TM4SF5: variants seen among roughly 807,000 people sequenced by gnomAD.
TM4SF5 encodes the protein transmembrane 4 L6 family member 5.
In TM4SF5, 16 loss-of-function variants were observed where a neutral mutation model predicts 22.3. The ratio of observed to expected loss-of-function variants is 0.72; its 90% CI spans 0.49 to 1.09. TM4SF5 has a LOEUF of 1.09. Among genes scored for constraint, TM4SF5 ranks in the 50% least tolerant of loss-of-function variants. The pLI, the probability that TM4SF5 is intolerant of heterozygous loss-of-function variation, is 0.00. For synonymous variants in TM4SF5, 113 were observed against 109.6 expected, an observed-to-expected ratio of 1.03 and a Z score of -0.19; for missense variants, 249 against 266.1, an observed-to-expected ratio of 0.94 and a Z score of 0.45.
Position 4,771,984 on chromosome 17 carries a change from G to A in TM4SF5, c.62G>A (p.Cys21Tyr), listed in dbSNP as rs1331769817. The change falls in exon 1 of 5, where the codon TGC becomes TAC. Residue 21 changes from cysteine (C) to tyrosine (Y), a missense_variant. Physicochemically the swap from Cys to Tyr is radical, Grantham distance 194. Coordinates refer to ENST00000270560, the MANE Select transcript of TM4SF5 (RefSeq NM_003963.3). ...TCCCTCATTACCCTCTGCCTCGTCTGCATTGTGGCCAACGCCCTCCTGCTG... is the reference window on the plus strand; with the variant it reads ...TCCCTCATTACCCTCTGCCTCGTCTACATTGTGGCCAACGCCCTCCTGCTG... Reference protein sequence around the residue: ...GLSLITLCLVCIVANALLLVP... With the variant: ...GLSLITLCLVYIVANALLLVP... 3 of 1,614,076 alleles carry A rather than the reference G, an allele frequency of 1.9e-6. No homozygotes were observed. The African/African-American group carries it at 4.0e-5, about 22-fold the overall frequency.
chr17:4,776,523 A>G (rs1917209036), intron 1 of TM4SF5, among the ~76,000 whole-genome samples: 1 of 151,672 alleles, frequency 6.6e-6, no homozygotes, highest in African/African-American at 2.4e-5. Context: ...GCTGGTTTTG[A>G]ACTCCCAACC....
chr17:4,778,119 T>C (rs1330637343), intron 1 of TM4SF5, among the ~76,000 whole-genome samples: 1 of 152,144 alleles, frequency 6.6e-6, no homozygotes, highest in East Asian at 1.9e-4. Flanking sequence ...TAGGTGTGTT[T>C]GGATCCACAA....
chr17:4,773,148 G>GC (rs998535074), intron 1 of TM4SF5, among the ~76,000 whole-genome samples: 5 of 152,010 alleles, frequency 3.3e-5, no homozygotes, highest in East Asian at 3.9e-4. Flanking sequence ...CAGGTGATCC[G>GC]CCCCCCTCGG....
chr17:4,772,776 T>C (rs1917138247), intron 1 of TM4SF5, among the ~76,000 whole-genome samples: 1 of 150,204 alleles, frequency 6.7e-6, no homozygotes, highest in African/African-American at 2.5e-5. Context: ...AGTGTGGTGG[T>C]GCGAACATGG....
chr17:4,775,664 C>G (rs765833093), intron 1 of TM4SF5, among the ~76,000 whole-genome samples: 4 of 152,070 alleles, frequency 2.6e-5, no homozygotes, highest in Non-Finnish European at 2.9e-5. Context: ...GCTCAACAAA[C>G]TTTTACAAAG....
At position 4,772,020 on chromosome 17, in the gene TM4SF5, G is replaced by C. The variant is rs778261740; in HGVS notation, c.98G>C (p.Gly33Ala). Reference protein sequence around the residue: ...VANALLLVPNGETSWTNTNHL... With the variant: ...VANALLLVPNAETSWTNTNHL... The stretch of plus-strand genomic sequence containing the variant: ...AACGCCCTCCTGCTGGTACCTAATG[G>C]GGAGACCTCCTGGACCAACACCAAC... Residue 33 changes from glycine (G) to alanine (A), a missense_variant, in exon 1 of 5, where the codon GGG becomes GCG. By Grantham distance (60) the Gly-to-Ala change is moderately conservative (BLOSUM62 0). Transcript: ENST00000270560. 2 of 1,614,166 alleles carry C rather than the reference G, an allele frequency of 1.2e-6. No individual in the cohort carries two copies. Among genetic ancestry groups the C allele is most frequent in the Non-Finnish European group, 1.7e-6 (2 of 1,180,026 alleles).
intron 1 of TM4SF5, among the ~76,000 whole-genome samples, chr17:4,774,133 A>G (rs1467827333): frequency 6.6e-6 from 1 of 152,152 alleles, no homozygotes; most frequent in Admixed American, 6.5e-5. Flanking sequence ...AGGCAGGAGA[A>G]CCCGGGAGGC....
chr17:4,772,803 C>G (rs367576937), intron 1 of TM4SF5, among the ~76,000 whole-genome samples: 1 of 151,094 alleles, frequency 6.6e-6, no homozygotes, highest in Non-Finnish European at 1.5e-5. Context: ...GTAGCCCCAA[C>G]CTCCTGGGCC....
At chr17:4,780,552 A>C (rs1917282980) in intron 1 of TM4SF5, among the ~76,000 whole-genome samples, 1 of 152,174 alleles carries the variant, frequency 6.6e-6, no homozygotes, top group Non-Finnish European at 1.5e-5. Context: ...TGGGGAAAAT[A>C]ATGATATTGG....
intron 2 of TM4SF5, among the ~76,000 whole-genome samples, chr17:4,781,764 C>A (rs1428706279): frequency 6.6e-6 from 1 of 152,036 alleles, no homozygotes; most frequent in Admixed American, 6.6e-5. Flanking sequence ...ATCTGCCCCC[C>A]TTGGCCTCCC....
At chr17:4,782,784 A>T (rs1279106376) in intron 3 of TM4SF5, 70 bp from the exon 4 acceptor site, 14 of 1,575,130 alleles carry the variant, frequency 8.9e-6, no homozygotes, top group Admixed American at 3.5e-5. Flanking sequence ...ATCCCCTGGG[A>T]CGTATTCTTG....
intron 1 of TM4SF5, among the ~76,000 whole-genome samples, chr17:4,780,383 T>C (rs1917280256): frequency 6.6e-6 from 1 of 152,130 alleles, no homozygotes; most frequent in Non-Finnish European, 1.5e-5. Context: ...CCTAGTCAGC[T>C]TGTTCTCCCA....
At chr17:4,772,220 C>T (rs764836528) in intron 1 of TM4SF5, 121 bp downstream of exon 1, 9 of 1,254,114 alleles carry the variant, frequency 7.2e-6, no homozygotes, top group Middle Eastern at 5.2e-4. Flanking sequence ...GCAATGGCTT[C>T]GTGGGGGCTA....
At chr17:4,775,216 A>G (rs1412255491) in intron 1 of TM4SF5, among the ~76,000 whole-genome samples, 1 of 151,928 alleles carries the variant, frequency 6.6e-6, no homozygotes, top group Non-Finnish European at 1.5e-5. Context: ...CAGTGGAGTC[A>G]TTTGAATTTT....
At chr17:4,780,380 A>G (rs575608908) in intron 1 of TM4SF5, among the ~76,000 whole-genome samples, 67 of 152,202 alleles carry the variant, frequency 4.4e-4, no homozygotes, top group African/African-American at 1.5e-3. Context: ...ACACCTAGTC[A>G]GCTTGTTCTC....
Position 4,782,859 on chromosome 17 carries a change from C to T in TM4SF5, c.401C>T (p.Ala134Val), listed in dbSNP as rs777769766. 21 of 1,611,420 alleles carry T rather than the reference C, an allele frequency of 1.3e-5. No homozygotes were observed. Among genetic ancestry groups the T allele is most frequent in the Admixed American group, 6.7e-5 (4 of 59,754 alleles). ...TGGCCTCACCCCTCCCACAGGGGAG[C>T]TTACTTGCTCAACCGCACTCTATGG... ...WGYHFEDTAG[A>V]YLLNRTLWDR... Residue 134 changes from alanine (A) to valine (V), a missense_variant, in exon 4 of 5, where the codon GCT (alanine) becomes GTT (valine). By Grantham distance (64) the Ala-to-Val change is moderately conservative. Coordinates refer to ENST00000270560, the MANE Select transcript of TM4SF5 (RefSeq NM_003963.3).
chr17:4,783,143 C>G lies in TM4SF5; in HGVS notation c.*15C>G. On this transcript the variant is annotated 3_prime_UTR_variant, in exon 5 of 5. Coordinates refer to ENST00000270560, the MANE Select transcript of TM4SF5 (RefSeq NM_003963.3). Reference sequence around the variant, plus strand: ...CACCTCACTGAGGCTCCACTGACCGCCGGGTTACACCTGCTCCTTCCTGGA... The same window carrying G: ...CACCTCACTGAGGCTCCACTGACCGGCGGGTTACACCTGCTCCTTCCTGGA... 6.2e-7 allele frequency: 1 copy of G among 1,613,050 alleles called. No homozygotes were observed. Among genetic ancestry groups the G allele is most frequent in the Non-Finnish European group, 8.5e-7 (1 of 1,179,752 alleles).
At position 4,782,908 on chromosome 17, in the gene TM4SF5, C is replaced by T. The variant is rs747418231; in HGVS notation, c.450C>T (p.Arg150=). Residue 150 remains arginine (R), a synonymous_variant, in exon 4 of 5, where the codon CGC becomes CGT. Coordinates refer to ENST00000270560, the MANE Select transcript of TM4SF5 (RefSeq NM_003963.3). ...GGGATCGGTGCGAGGCGCCCCCTCGCGTGGTCCCCTGGAATGTGACGCTCT... is the reference window on the plus strand; with the variant it reads ...GGGATCGGTGCGAGGCGCCCCCTCGTGTGGTCCCCTGGAATGTGACGCTCT... The part of the protein sequence containing the change: ...TLWDRCEAPP[R]VVPWNVTLFS... The T allele has an allele frequency of 1.2e-6, 2 of 1,614,218 alleles. No individual in the cohort carries two copies. The highest frequency in any genetic ancestry group is 1.3e-5 in the African/African-American group (1 of 75,070).
intron 2 of TM4SF5, among the ~76,000 whole-genome samples, chr17:4,781,746 C>T (rs1220550922): frequency 6.6e-6 from 1 of 151,968 alleles, no homozygotes; most frequent in African/African-American, 2.4e-5. Flanking sequence ...AACTCCTGGC[C>T]TCAGGCGATC....
Sources: allele counts gnomAD v4.1 joint callset (sites outside exome capture counted in the v4.1 genomes callset), GRCh38; gene constraint gnomAD v4.1.1; transcripts MANE v1.5; gene names NCBI Gene and HGNC (gene_info 2026-07-23, HGNC 2026-07-21).